The following LRBA variants were observed in gnomAD, a reference collection of about 807,000 sequenced individuals.
LRBA encodes lipopolysaccharide-responsive and beige-like anchor protein.
Under a neutral mutation model 330.0 loss-of-function variants are expected in LRBA, and 176 were observed. That is an observed-to-expected ratio of 0.53 (90% CI 0.47 to 0.60). The LOEUF (loss-of-function observed/expected upper bound fraction) is 0.60, where lower values mean the gene tolerates loss of function less well. Among genes scored for constraint, LRBA ranks in the 20% least tolerant of loss-of-function variants. The pLI is 0.00. For synonymous variants in LRBA, 1,230 were observed against 1,193.0 expected (o/e 1.03, Z -0.64); for missense variants, 3,259 against 3,444.8 (o/e 0.95, Z 1.35).
intron 44 of LRBA, among the ~76,000 whole-genome samples, chr4:150,462,416 C>T (rs530297845): frequency 4.4e-4 from 66 of 151,722 alleles, no homozygotes; most frequent in African/African-American, 1.3e-3. Flanking sequence ...ACTTATGATA[C>T]TAATTTGGAA....
Position 150,346,774 on chromosome 4 carries a change from A to C in LRBA, c.7362+3218T>G, listed in dbSNP as rs998540991. ...CTCTGTCTCAAAAAAAAAAAAAAAA[A>C]AAAAAAAAAAAAACACTTATTTGTT... On this transcript the variant is annotated intron_variant, in intron 48 of 56. Coordinates refer to ENST00000651943, the MANE Select transcript of LRBA (RefSeq NM_001364905.1). Among the ~76,000 whole-genome samples, 67 of 150,766 alleles carry C rather than the reference A, an allele frequency of 4.4e-4. 1 individual carries two copies. Among genetic ancestry groups the C allele is most frequent in the African/African-American group, 1.3e-3 (54 of 40,932 alleles).
Position 150,767,956 on chromosome 4 carries a change from C to T in LRBA, c.5581-6109G>A, listed in dbSNP as rs560772970. On this transcript the variant is annotated intron_variant, in intron 34 of 56. Transcript: ENST00000651943. The stretch of plus-strand genomic sequence containing the variant: ...GTGCACGCCTGTAATCACAGCTACT[C>T]AAGAGGCTGAGGCAGAAGAATCACT... Among the ~76,000 whole-genome samples, 3 of 146,448 alleles carry T rather than the reference C, an allele frequency of 2.0e-5. No homozygotes were observed. The East Asian group carries it at 6.0e-4, about 29-fold the overall frequency.
intron 43 of LRBA, among the ~76,000 whole-genome samples, chr4:150,469,084 G>C (rs918676477): frequency 6.6e-6 from 1 of 151,350 alleles, no homozygotes; most frequent in Non-Finnish European, 1.5e-5. Context: ...TTAAATGTTG[G>C]TAAACAGTAA....
chr4:150,651,056 T>G (rs1779659629), intron 37 of LRBA, among the ~76,000 whole-genome samples: 1 of 152,214 alleles, frequency 6.6e-6, no homozygotes, highest in Non-Finnish European at 1.5e-5. Context: ...ACCTTATTAC[T>G]TGCAATTAAA....
chr4:150,381,631 G>T (rs1237693199), intron 47 of LRBA, among the ~76,000 whole-genome samples: 1 of 151,992 alleles, frequency 6.6e-6, no homozygotes, highest in African/African-American at 2.4e-5. Context: ...TCTACTTTTT[G>T]GCTACTATGA....
chr4:150,672,703 CA>C (rs1392585515), intron 37 of LRBA, among the ~76,000 whole-genome samples: 1 of 151,876 alleles, frequency 6.6e-6, no homozygotes, highest in East Asian at 1.9e-4. Flanking sequence ...AGCATGATAC[CA>C]GGGGAAGCAG....
chr4:150,656,866 G>A (rs187896430), intron 37 of LRBA, among the ~76,000 whole-genome samples: 2 of 152,200 alleles, frequency 1.3e-5, no homozygotes, highest in East Asian at 1.9e-4. Context: ...TTATTCATAA[G>A]GCACCATGAA....
chr4:150,906,821 C>G (rs2127158669), intron 11 of LRBA, among the ~76,000 whole-genome samples: 1 of 152,200 alleles, frequency 6.6e-6, no homozygotes, highest in African/African-American at 2.4e-5. Flanking sequence ...GACAGTGGAG[C>G]AAACAGAGTA....
chr4:150,686,941 G>A (rs1783675563), intron 36 of LRBA, among the ~76,000 whole-genome samples: 2 of 152,054 alleles, frequency 1.3e-5, no homozygotes, highest in South Asian at 4.1e-4. Flanking sequence ...CGGTAAAATG[G>A]TTTAAAGTGT....
At chr4:150,443,610 C>T (rs1306359683) in intron 44 of LRBA, among the ~76,000 whole-genome samples, 1 of 151,942 alleles carries the variant, frequency 6.6e-6, no homozygotes, top group African/African-American at 2.4e-5. Context: ...AAAAACCAAA[C>T]ACCGCATGTT....
intron 2 of LRBA, among the ~76,000 whole-genome samples, chr4:150,952,770 C>CT (rs1736987019): frequency 6.6e-6 from 1 of 152,174 alleles, no homozygotes; most frequent in Non-Finnish European, 1.5e-5. Context: ...GCTTTACTCT[C>CT]TGAGTATCTG....
chr4:150,579,884 G>C, intron 40 of LRBA: 3 of 368,144 alleles, frequency 8.1e-6, no homozygotes, highest in Non-Finnish European at 1.6e-5. Context: ...CGACCACCTC[G>C]AGAGTGGGGC....
At chr4:150,290,630 A>G (rs1429766391) in intron 53 of LRBA, among the ~76,000 whole-genome samples, 2 of 152,212 alleles carry the variant, frequency 1.3e-5, no homozygotes, top group African/African-American at 4.8e-5. Context: ...AGCTTGAGCA[A>G]TTACTTCAAA....
At chr4:150,346,681 C>A (rs1354573864) in intron 48 of LRBA, among the ~76,000 whole-genome samples, 1 of 144,334 alleles carries the variant, frequency 6.9e-6, no homozygotes, top group Non-Finnish European at 1.5e-5. Flanking sequence ...ATCACTTGAA[C>A]CTGGGAGGCG....
chr4:150,396,302 G>A (rs1042513945), intron 47 of LRBA, among the ~76,000 whole-genome samples: 7 of 152,098 alleles, frequency 4.6e-5, no homozygotes, highest in African/African-American at 1.7e-4. Flanking sequence ...CTACTCCTGG[G>A]AATTTAGGCC....
rs1148634 is a variant in LRBA at position 150,963,200 on chromosome 4, T to G, written c.217-34135A>C. On this transcript the variant is annotated intron_variant, in intron 2 of 56. Transcript: ENST00000651943. ...CCTCCCCCTCCCCTTTGCACGGTCC[T>G]CGTCTCCCCTTTGCACGGTCTCCCT... is the stretch of plus-strand genomic sequence containing the variant. Among the ~76,000 whole-genome samples the G allele has an allele frequency of 1.4e-5, 2 of 147,040 alleles. 1 individual carries two copies. The highest frequency in any genetic ancestry group is 5.4e-5 in the African/African-American group (2 of 36,964).
At chr4:150,877,572 A>C (rs926371197) in intron 17 of LRBA, among the ~76,000 whole-genome samples, 3 of 152,244 alleles carry the variant, frequency 2.0e-5, no homozygotes, top group African/African-American at 7.2e-5. Flanking sequence ...ACAGTCACAC[A>C]ATATTAGTGG....
intron 37 of LRBA, among the ~76,000 whole-genome samples, chr4:150,628,377 TG>T (rs761880544): frequency 7.9e-5 from 12 of 152,186 alleles, no homozygotes; most frequent in Non-Finnish European, 1.8e-4. Context: ...GAGCAGGCTT[TG>T]CTCCATATTA....
intron 36 of LRBA, among the ~76,000 whole-genome samples, chr4:150,694,550 CA>C (rs1784459416): frequency 2.4e-5 from 3 of 122,976 alleles, no homozygotes; most frequent in African/African-American, 8.3e-5. Flanking sequence ...CAACAGCAAA[CA>C]AAAGTCAACC....
Sources: gnomAD v4.1 joint callset for allele counts (sites outside exome capture counted in the v4.1 genomes callset) on GRCh38, gnomAD v4.1.1 for gene constraint, MANE v1.5 for transcripts, NCBI Gene and HGNC (gene_info 2026-07-23, HGNC 2026-07-21) for gene names.